The following KCNK16 variants were observed in gnomAD, a reference collection of about 807,000 sequenced individuals.
KCNK16 encodes the protein potassium two pore domain channel subfamily K member 16.
KCNK16 carries 23 observed loss-of-function variants against 23.0 expected under a neutral mutation model. The ratio of observed to expected loss-of-function variants is 1.00; its 90% CI spans 0.72 to 1.41. KCNK16 has a LOEUF of 1.41. Ranked by LOEUF, KCNK16 falls within the 40% of genes most tolerant of loss-of-function variation. The pLI is 0.00. For synonymous variants in KCNK16, 145 were observed against 153.5 expected, an observed-to-expected ratio of 0.94 and a Z score of 0.41; for missense variants, 327 against 365.8, an observed-to-expected ratio of 0.89 and a Z score of 0.87.
chr6:39,319,748 T>A lies in KCNK16; in HGVS notation c.214-615A>T, dbSNP rs1221521654. ...CCAAGACAAAGGTGGCACGTGTGAG[T>A]GTGTGTGTGTGTGTGTGTGTGTGTG... On this transcript the variant is annotated intron_variant, in intron 1 of 4. Coordinates refer to ENST00000437525, the MANE Select transcript of KCNK16 (RefSeq NM_001135106.2). The surrounding 1 kb of genome is among the most constrained non-coding windows in gnomAD (Gnocchi z 4.2). Among the ~76,000 whole-genome samples the A allele has an allele frequency of 1.5e-5, 2 of 129,200 alleles. No homozygotes were observed. The highest frequency in any genetic ancestry group is 3.2e-5 in the Non-Finnish European group (2 of 62,058). 84.8% of individuals were successfully genotyped at this position (129,200 alleles called of 152,430 possible). A position where few individuals can be genotyped will look rare whatever the true frequency, so the allele number is the denominator to read the frequency against.
rs1037494078 is a variant in KCNK16, at chr6:39,322,702, C to A, written c.-162G>T. The A allele has an allele frequency of 6.0e-6, 7 of 1,170,146 alleles. No individual in the cohort carries two copies. The highest frequency in any genetic ancestry group is 8.1e-6 in the Non-Finnish European group (7 of 860,290). 72.5% of individuals were successfully genotyped at this position (1,170,146 alleles called of 1,614,324 possible). A position where few individuals can be genotyped will look rare whatever the true frequency, so the allele number is the denominator to read the frequency against. On this transcript the variant is annotated 5_prime_UTR_variant, in exon 1 of 5. Coordinates refer to ENST00000437525, the MANE Select transcript of KCNK16 (RefSeq NM_001135106.2). ...GGCTGGGGAGACTGTTTGAACAGTG[C>A]GGCTCAGCTTGGCTGCACTAAGTGC... is the stretch of plus-strand genomic sequence containing the variant.
chr6:39,314,757 G>A (rs904582001), downstream of KCNK16: 6 of 491,450 alleles, frequency 1.2e-5, no homozygotes, highest in Non-Finnish European at 1.8e-5. Context: ...TCTTGGACTC[G>A]GGGGCTATCT....
At position 39,317,770 on chromosome 6, in the gene KCNK16, G is replaced by C; in HGVS notation, c.495+16C>G. 2 of 1,566,970 alleles carry C rather than the reference G, an allele frequency of 1.3e-6. No individual in the cohort carries two copies. Among genetic ancestry groups the C allele is most frequent in the Non-Finnish European group, 1.7e-6 (2 of 1,156,298 alleles). Reference sequence around the variant, plus strand: ...GATCTGTCACAGCAGGCCTGTAAGGGAGTTAGGGGGCATACCTGGGAGCGC... The same window carrying C: ...GATCTGTCACAGCAGGCCTGTAAGGCAGTTAGGGGGCATACCTGGGAGCGC... On this transcript the variant is annotated intron_variant, in intron 3 of 4. Coordinates refer to ENST00000437525, the MANE Select transcript of KCNK16 (RefSeq NM_001135106.2).
chr6:39,318,610 C>T (rs915756393), intron 2 of KCNK16, among the ~76,000 whole-genome samples: 1 of 152,190 alleles, frequency 6.6e-6, no homozygotes, highest in African/African-American at 2.4e-5. Context: ...GCACATCTCT[C>T]TCTACCTGAG....
chr6:39,318,047 C>T, intron 2 of KCNK16, 95 bp from the exon 3 acceptor site: 2 of 1,272,454 alleles, frequency 1.6e-6, no homozygotes, highest in South Asian at 3.4e-5. Flanking sequence ...CTGTCACCAC[C>T]TCTGGGGGTG....
intron 1 of KCNK16, among the ~76,000 whole-genome samples, chr6:39,321,571 G>A (rs1238117768): frequency 6.6e-6 from 1 of 152,178 alleles, no homozygotes; most frequent in Non-Finnish European, 1.5e-5. Context: ...AGGTGATTTG[G>A]CACTTGGTCT....
chr6:39,315,797 A>G (rs982884342), downstream of KCNK16, among the ~76,000 whole-genome samples: 1 of 152,182 alleles, frequency 6.6e-6, no homozygotes, highest in African/African-American at 2.4e-5. Flanking sequence ...CTGTATCCCC[A>G]GACCCTGGCA....
chr6:39,316,861 C>A lies in KCNK16; in HGVS notation c.582G>T (p.Val194=). ...AGCCCTCGCTGAAGCTCCAGCCCTC[C>A]ACATGGCTGAAGACCATGGGTGGGA... ...LIFPPMVFSH[V]EGWSFSEGFY... The change falls in exon 4 of 5, where the codon GTG becomes GTT. Residue 194 remains valine, a synonymous_variant. Coordinates refer to ENST00000437525, the MANE Select transcript of KCNK16 (RefSeq NM_001135106.2). The A allele has an allele frequency of 6.2e-7, 1 of 1,614,174 alleles. No homozygotes were observed. The highest frequency in any genetic ancestry group is 1.1e-5 in the South Asian group (1 of 91,078).
downstream of KCNK16, chr6:39,315,365 T>C (rs1409477061): frequency 6.4e-6 from 10 of 1,551,380 alleles, no homozygotes; most frequent in Admixed American, 2.0e-4. Flanking sequence ...TGGCTTCCCA[T>C]GGGGTGTTTG....
At chr6:39,315,708 G>C (rs558031727), downstream of KCNK16, among the ~76,000 whole-genome samples, 2 of 152,244 alleles carry the variant, frequency 1.3e-5, no homozygotes, top group East Asian at 1.9e-4. Flanking sequence ...TCCCATCATA[G>C]CATTTTGGGC....
intron 2 of KCNK16, 72 bp from the exon 3 acceptor site, chr6:39,318,024 A>G (rs1197128428): frequency 6.9e-7 from 1 of 1,439,390 alleles, no homozygotes; most frequent in South Asian, 1.5e-5. Flanking sequence ...CCCAGACTCT[A>G]GCTGAGGTTT....
intron 2 of KCNK16, 36 bp from the exon 3 acceptor site, chr6:39,317,988 C>G (rs918084334): frequency 1.3e-6 from 2 of 1,549,162 alleles, no homozygotes; most frequent in Admixed American, 3.8e-5. Flanking sequence ...AATATGGAGA[C>G]TCTAGAACGC....
downstream of KCNK16, chr6:39,314,879 C>T (rs1330179668): frequency 3.1e-6 from 3 of 975,740 alleles, no homozygotes; most frequent in African/African-American, 4.9e-5. Context: ...TGTCCATGAG[C>T]TTGGGAGGTA....
Position 39,316,216 on chromosome 6 carries a change from GC to G in KCNK16, c.*2del. The stretch of plus-strand genomic sequence containing the variant: ...AGGGGTTTCTGGGCCCCCCCCGGGG[GC>G]CTCATGCAGAGATGGGGATCTTCTG... On this transcript the variant is annotated 3_prime_UTR_variant, in exon 5 of 5. Transcript: ENST00000437525. 1 of 1,519,784 alleles carries G rather than the reference GC, an allele frequency of 6.6e-7. No individual in the cohort carries two copies. Among genetic ancestry groups the G allele is most frequent in the Non-Finnish European group, 8.8e-7 (1 of 1,134,174 alleles). 94.1% of individuals were successfully genotyped at this position (1,519,784 alleles called of 1,614,324 possible). A position where few individuals can be genotyped will look rare whatever the true frequency, so the allele number is the denominator to read the frequency against.
rs201892764 is a variant in KCNK16, at chr6:39,316,903, C to T, written c.540G>A (p.Thr180=). ...TGGGTGGGAAGATGAGAATGACCAG[C>T]GTCCCCAGGGTCAGGAACAGAGCCA... ...LGLALFLTLG[T]LVILIFPPMV... Residue 180 remains threonine (T), a synonymous_variant, in exon 4 of 5, where the codon ACG becomes ACA. Coordinates refer to ENST00000437525, the MANE Select transcript of KCNK16 (RefSeq NM_001135106.2). The T allele has an allele frequency of 3.2e-5, 52 of 1,613,588 alleles. No individual in the cohort carries two copies. The highest frequency in any genetic ancestry group is 2.7e-4 in the Admixed American group (16 of 59,954).
At chr6:39,315,435 T>C (rs981471393), downstream of KCNK16, 25 of 1,548,702 alleles carry the variant, frequency 1.6e-5, no homozygotes, top group African/African-American at 3.3e-4. Flanking sequence ...GGGTGGCCTG[T>C]GAGGGTCAGG....
At chr6:39,322,023 TAGAG>T (rs1762530489) in intron 1 of KCNK16, among the ~76,000 whole-genome samples, 1 of 152,198 alleles carries the variant, frequency 6.6e-6, no homozygotes, top group Non-Finnish European at 1.5e-5. Flanking sequence ...AGTGACAGCT[TAGAG>T]AGTGCTTTTA....
At position 39,316,864 on chromosome 6, in the gene KCNK16, A is replaced by G. The variant is rs747830541; in HGVS notation, c.579T>C (p.His193=). The G allele has an allele frequency of 6.8e-6, 11 of 1,613,934 alleles. No homozygotes were observed. The highest frequency in any genetic ancestry group is 7.6e-6 in the Non-Finnish European group (9 of 1,179,994). ...CCTCGCTGAAGCTCCAGCCCTCCAC[A>G]TGGCTGAAGACCATGGGTGGGAAGA... ...ILIFPPMVFS[H]VEGWSFSEGF... The change falls in exon 4 of 5, where the codon CAT becomes CAC. Residue 193 remains histidine, a synonymous_variant. Coordinates refer to ENST00000437525, the MANE Select transcript of KCNK16 (RefSeq NM_001135106.2).
In KCNK16 at chr6:39,316,176, A is replaced by AC; in HGVS notation, c.*42dup. 6.8e-7 allele frequency: 1 copy of AC among 1,479,996 alleles called. No homozygotes were observed. The highest frequency in any genetic ancestry group is 1.4e-5 in the South Asian group (1 of 73,142). 91.7% of individuals were successfully genotyped at this position (1,479,996 alleles called of 1,614,324 possible). A position where few individuals can be genotyped will look rare whatever the true frequency, so the allele number is the denominator to read the frequency against. On this transcript the variant is annotated 3_prime_UTR_variant, in exon 5 of 5. Coordinates refer to ENST00000437525, the MANE Select transcript of KCNK16 (RefSeq NM_001135106.2). ...AAATCCAGAGAGCAGATAGGGTGGG[A>AC]CTGGGGAGGATGAAAGGGGTTTCTG...
Sources: allele counts gnomAD v4.1 joint callset (sites outside exome capture counted in the v4.1 genomes callset), GRCh38; gene constraint gnomAD v4.1.1; non-coding constraint Gnocchi (gnomAD v3.1); transcripts MANE v1.5; gene names NCBI Gene and HGNC (gene_info 2026-07-23, HGNC 2026-07-21).